DNAH7: variants seen among roughly 807,000 people sequenced by gnomAD.
The protein encoded by DNAH7 is dynein axonemal heavy chain 7.
Under a neutral mutation model 444.6 loss-of-function variants are expected in DNAH7, and 397 were observed. That is an observed-to-expected ratio of 0.89 (90% confidence interval 0.82 to 0.97). The LOEUF is 0.97. Among genes scored for constraint, DNAH7 ranks in the 50% least tolerant of loss-of-function variants. DNAH7 has a pLI of 0.00. For missense variants in DNAH7, 4,902 were observed against 4,800.8 expected (o/e 1.02, Z -0.62); for synonymous variants, 1,636 against 1,624.4 (o/e 1.01, Z -0.17).
At chr2:195,758,115 A>C (rs1694171995) in intron 61 of DNAH7, among the ~76,000 whole-genome samples, 2 of 152,228 alleles carry the variant, frequency 1.3e-5, no homozygotes, top group South Asian at 2.1e-4. Context: ...ACACAAGAAG[A>C]AGCAGGTCAA....
At chr2:195,982,843 G>A (rs1208397719) in intron 15 of DNAH7, among the ~76,000 whole-genome samples, 1 of 152,112 alleles carries the variant, frequency 6.6e-6, no homozygotes, top group African/African-American at 2.4e-5. Flanking sequence ...GGTGGATGTG[G>A]GGGATGTGGT....
chr2:195,756,697 T>A (rs1435316280), intron 61 of DNAH7, among the ~76,000 whole-genome samples: 1 of 151,990 alleles, frequency 6.6e-6, no homozygotes, highest in African/African-American at 2.4e-5. Context: ...ACTTTAAAAA[T>A]TTTTTTGTAT....
At chr2:195,875,326 A>G (rs1700985230) in intron 38 of DNAH7, among the ~76,000 whole-genome samples, 1 of 152,200 alleles carries the variant, frequency 6.6e-6, no homozygotes, top group Non-Finnish European at 1.5e-5. Context: ...GTGAGTTCTC[A>G]GAAGGCAGAA....
chr2:195,828,564 G>A (rs1029569458), intron 48 of DNAH7, among the ~76,000 whole-genome samples: 52 of 150,570 alleles, frequency 3.5e-4, no homozygotes, highest in Non-Finnish European at 1.0e-4. Context: ...CAGCCTGGGC[G>A]ACAGAGCAAG....
At chr2:195,818,444 C>T (rs970954090) in intron 49 of DNAH7, among the ~76,000 whole-genome samples, 1 of 152,166 alleles carries the variant, frequency 6.6e-6, no homozygotes, top group African/African-American at 2.4e-5. Context: ...ATTGCTCTTA[C>T]AGGCAGGTCT....
chr2:195,801,559 T>C (rs1231995397), intron 54 of DNAH7, among the ~76,000 whole-genome samples: 1 of 152,158 alleles, frequency 6.6e-6, no homozygotes, highest in Non-Finnish European at 1.5e-5. Flanking sequence ...GATACAAGAA[T>C]GGAATTGTGT....
At chr2:196,042,268 A>C (rs1259402555) in intron 5 of DNAH7, among the ~76,000 whole-genome samples, 6 of 152,074 alleles carry the variant, frequency 3.9e-5, no homozygotes, top group Non-Finnish European at 7.4e-5. Flanking sequence ...AAAGAAAATA[A>C]GTATATCAAA....
intron 63 of DNAH7, among the ~76,000 whole-genome samples, chr2:195,744,179 C>T (rs375273911): frequency 1.5e-4 from 23 of 152,334 alleles, no homozygotes; most frequent in Admixed American, 4.6e-4. Context: ...CCTTTTCTGA[C>T]GGGCTTAAAA....
chr2:196,013,885 A>G (rs1694857991), intron 9 of DNAH7, among the ~76,000 whole-genome samples: 1 of 152,216 alleles, frequency 6.6e-6, no homozygotes, highest in Non-Finnish European at 1.5e-5. Context: ...ATCAGGATGC[A>G]GATGCATGCG....
chr2:195,796,765 T>C (rs1159432358), intron 55 of DNAH7, 28 bp from the exon 56 acceptor site: 8 of 1,575,166 alleles, frequency 5.1e-6, no homozygotes, highest in Non-Finnish European at 6.9e-6. Context: ...AGAGATGTTA[T>C]TTAAAATCAC....
In DNAH7 at chr2:195,747,268, C is replaced by T. The variant is rs562196506; in HGVS notation, c.11765-6399G>A. ...ATCTAGAAGAAATGGATAAATTCCA[C>T]AACACATATATCCTCCCAAGACTAA... On this transcript the variant is annotated intron_variant, in intron 63 of 64. Coordinates refer to ENST00000312428, the MANE Select transcript of DNAH7 (RefSeq NM_018897.3). Among the ~76,000 whole-genome samples, 143 of 152,254 alleles carry T rather than the reference C, an allele frequency of 9.4e-4. 1 individual carries two copies. The highest frequency in any genetic ancestry group is 3.3e-3 in the African/African-American group (138 of 41,552).
At chr2:195,948,615 G>T (rs184421570) in intron 19 of DNAH7, among the ~76,000 whole-genome samples, 12 of 152,222 alleles carry the variant, frequency 7.9e-5, no homozygotes, top group African/African-American at 2.9e-4. Flanking sequence ...TGTGTGGTGT[G>T]ATTTCTGAGG....
intron 5 of DNAH7, among the ~76,000 whole-genome samples, chr2:196,038,901 A>G (rs753075587): frequency 1.5e-4 from 23 of 152,312 alleles, no homozygotes; most frequent in African/African-American, 4.6e-4. Context: ...TATTAAAGTT[A>G]AGGAGAGACA....
chr2:195,979,557 T>C (rs1007422366), intron 15 of DNAH7, among the ~76,000 whole-genome samples: 1 of 151,876 alleles, frequency 6.6e-6, no homozygotes, highest in African/African-American at 2.4e-5. Flanking sequence ...CTGATTTAAA[T>C]AATTCTAAAA....
chr2:195,987,696 T>C (rs949523165), intron 13 of DNAH7, among the ~76,000 whole-genome samples: 7 of 152,082 alleles, frequency 4.6e-5, no homozygotes, highest in African/African-American at 1.4e-4. Context: ...CTTGGAATTA[T>C]AGGGATGGGG....
At position 195,960,476 on chromosome 2, in the gene DNAH7, C is replaced by T; in HGVS notation, c.2675G>A (p.Ser892Asn). ...AGAATATTCTTTGCTAGCTGCTTCA[C>T]TAATACCTTCAAATCGGTCTATATA... Reference protein sequence around the residue: ...EPYIDRFEGISEAASKEYSLE... With the variant: ...EPYIDRFEGINEAASKEYSLE... Residue 892 changes from serine to asparagine, a missense_variant, in exon 18 of 65, where the codon AGT becomes AAT. Transcript: ENST00000312428. 1 of 1,614,170 alleles carries T rather than the reference C, an allele frequency of 6.2e-7. No individual in the cohort carries two copies. Among genetic ancestry groups the T allele is most frequent in the Non-Finnish European group, 8.5e-7 (1 of 1,180,020 alleles).
chr2:195,761,226 A>G (rs1275211144), intron 61 of DNAH7, among the ~76,000 whole-genome samples: 1 of 152,080 alleles, frequency 6.6e-6, no homozygotes, highest in Non-Finnish European at 1.5e-5. Flanking sequence ...GAGTCTCTTA[A>G]CAGCAGAACT....
chr2:195,872,167 G>T, intron 40 of DNAH7, 83 bp downstream of exon 40: 1 of 1,109,356 alleles, frequency 9.0e-7, no homozygotes, highest in Non-Finnish European at 1.3e-6. Context: ...AATATAAATT[G>T]AAGAATATTC....
intron 1 of DNAH7, chr2:196,068,370 T>C (rs1000455256): frequency 2.5e-6 from 1 of 396,112 alleles, no homozygotes; most frequent in East Asian, 3.9e-5. Flanking sequence ...CCAAACCCGC[T>C]GCAACTCCTC....
Sources: gnomAD v4.1 joint callset for allele counts (sites outside exome capture counted in the v4.1 genomes callset) on GRCh38, gnomAD v4.1.1 for gene constraint, MANE v1.5 for transcripts, NCBI Gene and HGNC (gene_info 2026-07-23, HGNC 2026-07-21) for gene names.